The following ERICH5 variants were observed in gnomAD, a reference collection of about 807,000 sequenced individuals.
ERICH5 encodes glutamate rich 5.
In ERICH5, 24 loss-of-function variants were observed where a neutral mutation model predicts 28.0. The observed-to-expected ratio is 0.86, with a 90% confidence interval of 0.62 to 1.21. The LOEUF (loss-of-function observed/expected upper bound fraction) is 1.21, where lower values mean the gene tolerates loss of function less well. Among genes scored for constraint, ERICH5 ranks in the 50% most tolerant of loss-of-function variants. ERICH5 has a pLI of 0.00. For missense variants in ERICH5, 421 were observed against 441.2 expected (o/e 0.95, Z 0.41); for synonymous variants, 163 against 157.6 (o/e 1.03, Z -0.25).
rs1160116730 is a variant in ERICH5, at chr8:98,093,270, T to TGAAGGGGCTG, written c.1063_1072dup (p.Glu358GlyfsTer4). The TGAAGGGGCTG allele has an allele frequency of 6.2e-7, 1 of 1,613,576 alleles. No individual in the cohort carries two copies. Among genetic ancestry groups the TGAAGGGGCTG allele is most frequent in the Non-Finnish European group, 8.5e-7 (1 of 1,179,828 alleles). On this transcript the variant is annotated frameshift_variant, in exon 3 of 3. Transcript: ENST00000318528. LOFTEE classifies it high-confidence loss of function. ...CAGACATGGAGAATGAGAAAGTGAG[T>TGAAGGGGCTG]GAAGGGGCTGAAACCAAAGAAGAAG...
chr8:98,091,909 CTTT>C (rs1272215295), intron 2 of ERICH5, among the ~76,000 whole-genome samples: 1,431 of 82,222 alleles, frequency 0.017, 7 homozygotes, highest in Admixed American at 0.028. Flanking sequence ...TCCTTTCTTT[CTTT>C]CTTTCTTCCT....
rs974095920 is a variant in ERICH5 at position 98,093,235 on chromosome 8, A to G, written c.1027A>G (p.Lys343Glu). Reference protein sequence around the residue: ...DQRIEGETGEKVETDMENEKV... With the variant: ...DQRIEGETGEEVETDMENEKV... ...TACTTTTCCAGGTGAGACAGGGGAA[A>G]AGGTGGAAACAGACATGGAGAATGA... Residue 343 changes from lysine to glutamate, a missense_variant, in exon 3 of 3, where the codon AAG (lysine) becomes GAG (glutamate). By Grantham distance (56) the Lys-to-Glu change is moderately conservative. Coordinates refer to ENST00000318528, the MANE Select transcript of ERICH5 (RefSeq NM_173549.3). 1 of 1,613,296 alleles carries G rather than the reference A, an allele frequency of 6.2e-7. No homozygotes were observed. The highest frequency in any genetic ancestry group is 8.5e-7 in the Non-Finnish European group (1 of 1,179,502).
intron 1 of ERICH5, among the ~76,000 whole-genome samples, chr8:98,080,858 A>C (rs1586203484): frequency 6.6e-6 from 1 of 151,198 alleles, no homozygotes; most frequent in African/African-American, 2.4e-5. Flanking sequence ...ACTCGCCACC[A>C]TGGCCAGCTA....
intron 1 of ERICH5, among the ~76,000 whole-genome samples, chr8:98,088,232 A>G (rs1218142368): frequency 6.6e-6 from 1 of 152,220 alleles, no homozygotes; most frequent in East Asian, 1.9e-4. Flanking sequence ...GAGTATTAAC[A>G]TATTGCCAAT....
chr8:98,093,216 T>C lies in ERICH5; in HGVS notation c.1013-5T>C, dbSNP rs757912949. 1 of 1,603,660 alleles carries C rather than the reference T, an allele frequency of 6.2e-7. No individual in the cohort carries two copies. The highest frequency in any genetic ancestry group is 2.2e-5 in the East Asian group (1 of 44,812). ...TCTTAGTATCTCCTTTGGTTACTTT[T>C]CCAGGTGAGACAGGGGAAAAGGTGG... On this transcript the variant is annotated splice_region_variant and splice_polypyrimidine_tract_variant and intron_variant, in intron 2 of 2. Coordinates refer to ENST00000318528, the MANE Select transcript of ERICH5 (RefSeq NM_173549.3).
chr8:98,086,807 C>T lies in ERICH5; in HGVS notation c.59-2269C>T, dbSNP rs541204490. On this transcript the variant is annotated intron_variant, in intron 1 of 2. Transcript: ENST00000318528. ...CTACTAAAAATACAAAGAAATTAGCCGGGCGTGGTGGTGGGTGCCTGTAGT... is the reference window on the plus strand; with the variant it reads ...CTACTAAAAATACAAAGAAATTAGCTGGGCGTGGTGGTGGGTGCCTGTAGT... Among the ~76,000 whole-genome samples the T allele has an allele frequency of 1.1e-3, 163 of 151,820 alleles. 1 individual carries two copies. In the South Asian group the frequency reaches 0.032, roughly 30 times the overall value.
At chr8:98,069,883 A>G (rs997791947) in intron 1 of ERICH5, among the ~76,000 whole-genome samples, 4 of 152,260 alleles carry the variant, frequency 2.6e-5, no homozygotes, top group Non-Finnish European at 5.9e-5. Flanking sequence ...GTGCAGCCAC[A>G]TCGAAACATA....
At chr8:98,073,921 CTT>C (rs5893449) in intron 1 of ERICH5, among the ~76,000 whole-genome samples, 3 of 140,440 alleles carry the variant, frequency 2.1e-5, no homozygotes, top group Admixed American at 7.2e-5. Flanking sequence ...CTCTCTTTTT[CTT>C]TTTTTTTTTT....
At position 98,071,403 on chromosome 8, in the gene ERICH5, A is replaced by G. The variant is rs573884227; in HGVS notation, c.58+6676A>G. On this transcript the variant is annotated intron_variant, in intron 1 of 2. Transcript: ENST00000318528. ...GAAACCCTGAATACGTGTGGGGGTT[A>G]ATGAAAGTCTCACCAAAGCTGATAA... is the stretch of plus-strand genomic sequence containing the variant. Among the ~76,000 whole-genome samples the G allele has an allele frequency of 7.9e-4, 120 of 152,370 alleles. 1 individual carries two copies. Among genetic ancestry groups the G allele is most frequent in the Admixed American group, 7.2e-3 (110 of 15,304 alleles).
intron 1 of ERICH5, among the ~76,000 whole-genome samples, chr8:98,079,952 C>T (rs924804065): frequency 2.6e-5 from 4 of 152,150 alleles, no homozygotes; most frequent in Non-Finnish European, 1.5e-5. Flanking sequence ...GTATCTAAGC[C>T]CTTTAATGTT....
rs781664328 is a variant in ERICH5, at chr8:98,093,229, G to C, written c.1021G>C (p.Gly341Arg). 1 of 1,610,790 alleles carries C rather than the reference G, an allele frequency of 6.2e-7. No homozygotes were observed. Among genetic ancestry groups the C allele is most frequent in the African/African-American group, 1.3e-5 (1 of 74,814 alleles). The change falls in exon 3 of 3, where the codon GGG becomes CGG. Residue 341 changes from glycine to arginine, a missense_variant. Transcript: ENST00000318528. The part of the protein sequence containing the change: ...EEDQRIEGET[G>R]EKVETDMENE... ...TTTGGTTACTTTTCCAGGTGAGACA[G>C]GGGAAAAGGTGGAAACAGACATGGA...
chr8:98,093,255 G>C lies in ERICH5; in HGVS notation c.1047G>C (p.Glu349Asp). ...ETGEKVETDM[E>D]NEKVSEGAET... Reference sequence around the variant, plus strand: ...GGGAAAAGGTGGAAACAGACATGGAGAATGAGAAAGTGAGTGAAGGGGCTG... The same window carrying C: ...GGGAAAAGGTGGAAACAGACATGGACAATGAGAAAGTGAGTGAAGGGGCTG... Residue 349 changes from glutamate (E) to aspartate (D), a missense_variant, in exon 3 of 3, where the codon GAG (glutamate) becomes GAC (aspartate). Coordinates refer to ENST00000318528, the MANE Select transcript of ERICH5 (RefSeq NM_173549.3). The C allele has an allele frequency of 6.2e-7, 1 of 1,614,032 alleles. No individual in the cohort carries two copies. The highest frequency in any genetic ancestry group is 1.7e-5 in the Admixed American group (1 of 60,022).
chr8:98,070,194 C>G (rs182590046), intron 1 of ERICH5, among the ~76,000 whole-genome samples: 3 of 152,206 alleles, frequency 2.0e-5, no homozygotes, highest in Admixed American at 2.0e-4. Flanking sequence ...GGTCCTAGTT[C>G]TGCAAGAAAC....
At position 98,089,954 on chromosome 8, in the gene ERICH5, C is replaced by T. The variant is rs773430461; in HGVS notation, c.937C>T (p.Arg313Ter). The T allele has an allele frequency of 2.8e-5, 45 of 1,614,082 alleles. No individual in the cohort carries two copies. The highest frequency in any genetic ancestry group is 2.2e-4 in the South Asian group (20 of 91,072). Residue 313 changes from arginine (R) to a stop codon, truncating the protein, a stop_gained, in exon 2 of 3, where the codon CGA becomes TGA. Transcript: ENST00000318528. LOFTEE classifies it high-confidence loss of function. ...AGTTGGAAGCATGGAGCATCCAGCACGAAATGTAGAGGCAGGAGCATATGT... is the reference window on the plus strand; with the variant it reads ...AGTTGGAAGCATGGAGCATCCAGCATGAAATGTAGAGGCAGGAGCATATGT... ...GIVGSMEHPA[R>*]NVEAGAYVEM...
chr8:98,079,624 C>A (rs1815135904), intron 1 of ERICH5, among the ~76,000 whole-genome samples: 1 of 152,172 alleles, frequency 6.6e-6, no homozygotes, highest in South Asian at 2.1e-4. Context: ...ACTGCAACCT[C>A]CGCCTCCTGG....
chr8:98,089,052 T>C, intron 1 of ERICH5, 24 bp from the exon 2 acceptor site: 2 of 1,534,040 alleles, frequency 1.3e-6, no homozygotes, highest in Non-Finnish European at 1.8e-6. Flanking sequence ...CTTTTCTTTT[T>C]CTTTTTCAAA....
intron 1 of ERICH5, among the ~76,000 whole-genome samples, chr8:98,065,604 T>C (rs987013286): frequency 6.6e-6 from 1 of 152,196 alleles, no homozygotes; most frequent in Non-Finnish European, 1.5e-5. Flanking sequence ...CTGACAGTGA[T>C]AAGTACTGTG....
chr8:98,081,989 A>T (rs183557034), intron 1 of ERICH5, among the ~76,000 whole-genome samples: 7 of 152,190 alleles, frequency 4.6e-5, no homozygotes, highest in Admixed American at 3.9e-4. Flanking sequence ...AAGGTCATAA[A>T]GTGTCTGTCC....
intron 1 of ERICH5, among the ~76,000 whole-genome samples, chr8:98,079,868 T>C (rs1329563236): frequency 6.6e-6 from 1 of 152,202 alleles, no homozygotes; most frequent in Non-Finnish European, 1.5e-5. Context: ...AATAATCATG[T>C]TTTAAACTGT....
Sources: gnomAD v4.1 joint callset for allele counts (sites outside exome capture counted in the v4.1 genomes callset) on GRCh38, gnomAD v4.1.1 for gene constraint, MANE v1.5 for transcripts, NCBI Gene and HGNC (gene_info 2026-07-23, HGNC 2026-07-21) for gene names.